SUMF1: variants seen among roughly 807,000 people sequenced by gnomAD.
The protein encoded by SUMF1 is sulfatase modifying factor 1, also known as formylglycine-generating enzyme.
In SUMF1, 48 loss-of-function variants were observed where a neutral mutation model predicts 47.6. The observed-to-expected ratio is 1.01, with a 90% CI of 0.80 to 1.28. SUMF1 has a LOEUF of 1.28. Ranked by LOEUF, SUMF1 falls within the 50% of genes most tolerant of loss-of-function variation. The pLI, the probability that SUMF1 is intolerant of heterozygous loss-of-function variation, is 0.00. For synonymous variants in SUMF1, 230 were observed against 192.1 expected, an observed-to-expected ratio of 1.20 and a Z score of -1.63; for missense variants, 571 against 485.4, an observed-to-expected ratio of 1.18 and a Z score of -1.66.
chr3:4,118,335 C>T (rs1693467000), intron 8 of SUMF1, among the ~76,000 whole-genome samples: 1 of 150,896 alleles, frequency 6.6e-6, no homozygotes, highest in Non-Finnish European at 1.5e-5. Flanking sequence ...ATTTAAAATG[C>T]CATAAAAGAG....
intron 8 of SUMF1, chr3:4,303,568 T>TC: frequency 3.7e-6 from 5 of 1,337,176 alleles, no homozygotes; most frequent in Non-Finnish European, 4.8e-6. Flanking sequence ...GGCGCGCGGC[T>TC]CCCCCACGTG....
At chr3:4,429,359 CA>C (rs1392365170) in intron 3 of SUMF1, among the ~76,000 whole-genome samples, 1 of 152,196 alleles carries the variant, frequency 6.6e-6, no homozygotes, top group East Asian at 1.9e-4. Flanking sequence ...TAGATCTTTA[CA>C]GGTCTTTTCC....
At chr3:4,458,276 G>C (rs2125157598) in intron 1 of SUMF1, among the ~76,000 whole-genome samples, 1 of 152,236 alleles carries the variant, frequency 6.6e-6, no homozygotes, top group South Asian at 2.1e-4. Context: ...TACTGCAGTT[G>C]GTGAGAATGT....
Position 4,362,282 on chromosome 3 carries a change from T to C in SUMF1, c.1015-28A>G, listed in dbSNP as rs1699790915. 1.3e-6 allele frequency: 2 copies of C among 1,593,406 alleles called. 1 individual carries two copies. The highest frequency in any genetic ancestry group is 2.2e-5 in the South Asian group (2 of 90,682). Reference sequence around the variant, plus strand: ...GTGTAGAGAGAAAGAGCAAGGTAAGTGCTACTGGGACTCTCAGCTGAAGGC... The same window carrying C: ...GTGTAGAGAGAAAGAGCAAGGTAAGCGCTACTGGGACTCTCAGCTGAAGGC... On this transcript the variant is annotated intron_variant, in intron 8 of 8. Coordinates refer to ENST00000272902, the MANE Select transcript of SUMF1 (RefSeq NM_182760.4).
chr3:4,339,446 T>C (rs1393790477), intron 8 of SUMF1, among the ~76,000 whole-genome samples: 1 of 152,134 alleles, frequency 6.6e-6, no homozygotes, highest in Non-Finnish European at 1.5e-5. Context: ...TGCAATGAAA[T>C]CTCAACGAAG....
intron 8 of SUMF1, among the ~76,000 whole-genome samples, chr3:4,220,079 T>C (rs79134742): frequency 0.017 from 2,608 of 152,000 alleles, 90 homozygotes; most frequent in African/African-American, 0.06. Context: ...AAAGAAAAAT[T>C]CTAAAGAGCA....
intron 8 of SUMF1, among the ~76,000 whole-genome samples, chr3:4,305,053 T>G (rs540034682): frequency 5.9e-5 from 9 of 152,302 alleles, no homozygotes; most frequent in African/African-American, 1.9e-4. Flanking sequence ...TGAGTTTGTC[T>G]GAAGACCTGG....
rs372549905 is a variant in SUMF1 at position 4,092,399 on chromosome 3, G to A, written c.1015-23654C>T. ...CAGTTTCCTTTTCTGTTTTCAGAGG[G>A]TGGTGAATTTCATGACTTCAAAGAA... On this transcript the variant is annotated intron_variant and NMD_transcript_variant, in intron 8 of 12. Transcript: ENST00000448413. 1.1e-3 allele frequency among the ~76,000 whole-genome samples: 160 copies of A among 152,230 alleles called. 5 individuals are homozygous for A. In the South Asian group the frequency reaches 0.033, roughly 31 times the overall value.
chr3:4,376,981 T>G (rs552369141), intron 7 of SUMF1, among the ~76,000 whole-genome samples: 2 of 152,118 alleles, frequency 1.3e-5, no homozygotes, highest in East Asian at 3.9e-4. Flanking sequence ...AATTATTATT[T>G]GTAGAGACAG....
intron 8 of SUMF1, among the ~76,000 whole-genome samples, chr3:4,189,381 G>A (rs2125141014): frequency 6.6e-6 from 1 of 152,110 alleles, no homozygotes; most frequent in South Asian, 2.1e-4. Context: ...TGATTCCAGG[G>A]AAATTTTTAA....
intron 9 of SUMF1, among the ~76,000 whole-genome samples, chr3:4,039,857 C>A (rs1694879432): frequency 6.6e-6 from 1 of 151,694 alleles, no homozygotes; most frequent in Non-Finnish European, 1.5e-5. Context: ...CTAGTTTCTA[C>A]AAAAAAAATT....
At chr3:4,241,029 G>A (rs1001716045) in intron 8 of SUMF1, among the ~76,000 whole-genome samples, 16 of 152,036 alleles carry the variant, frequency 1.1e-4, no homozygotes, top group Non-Finnish European at 5.9e-5. Context: ...ATTTATATGT[G>A]TAGAAAGCAC....
chr3:4,194,327 G>A (rs1300381648), intron 8 of SUMF1, among the ~76,000 whole-genome samples: 1 of 152,144 alleles, frequency 6.6e-6, no homozygotes, highest in Non-Finnish European at 1.5e-5. Flanking sequence ...TTATAACCAA[G>A]CTTCTGGCAA....
intron 8 of SUMF1, among the ~76,000 whole-genome samples, chr3:4,171,843 T>C (rs1469189663): frequency 1.3e-5 from 2 of 152,174 alleles, no homozygotes; most frequent in Non-Finnish European, 1.5e-5. Flanking sequence ...TTCTTCCATA[T>C]ACCTGAAACA....
intron 3 of SUMF1, among the ~76,000 whole-genome samples, chr3:4,430,962 A>G (rs543764145): frequency 2.6e-5 from 4 of 152,352 alleles, no homozygotes; most frequent in African/African-American, 7.2e-5. Context: ...AATGTACCAA[A>G]GATCTTCAGA....
chr3:4,175,849 C>T (rs559267909), intron 8 of SUMF1, among the ~76,000 whole-genome samples: 59 of 152,172 alleles, frequency 3.9e-4, no homozygotes, highest in African/African-American at 1.3e-3. Flanking sequence ...CTTAAATGAC[C>T]TGGTGGAGCT....
chr3:4,254,016 A>G (rs1168047083), intron 8 of SUMF1, among the ~76,000 whole-genome samples: 3 of 150,786 alleles, frequency 2.0e-5, no homozygotes, highest in Non-Finnish European at 4.4e-5. Context: ...GACACCACAC[A>G]CAGCAGGGTA....
chr3:4,273,262 GGAAA>G (rs1697339485), intron 8 of SUMF1, among the ~76,000 whole-genome samples: 1 of 151,878 alleles, frequency 6.6e-6, no homozygotes, highest in Non-Finnish European at 1.5e-5. Flanking sequence ...GGCAAAAAAT[GGAAA>G]CATTCCAAGT....
Position 4,467,154 on chromosome 3 carries a change from G to T in SUMF1, c.92C>A (p.Ala31Glu). 1 of 1,593,472 alleles carries T rather than the reference G, an allele frequency of 6.3e-7. No individual in the cohort carries two copies. Among genetic ancestry groups the T allele is most frequent in the Non-Finnish European group, 8.5e-7 (1 of 1,171,228 alleles). ...LLLLLSLLCG[A>E]AGSQEAGTGA... Reference sequence around the variant, plus strand: ...GGTCCCGGCCTCCTGGCTCCCTGCCGCTCCACACAGCAGCGAGAGCAGCAG... The same window carrying T: ...GGTCCCGGCCTCCTGGCTCCCTGCCTCTCCACACAGCAGCGAGAGCAGCAG... Residue 31 changes from alanine (A) to glutamate (E), a missense_variant, in exon 1 of 9, where the codon GCG (alanine) becomes GAG (glutamate). Transcript: ENST00000272902.
Sources: gnomAD v4.1 joint callset for allele counts (sites outside exome capture counted in the v4.1 genomes callset) on GRCh38, gnomAD v4.1.1 for gene constraint, MANE v1.5 for transcripts, NCBI Gene and HGNC (gene_info 2026-07-23, HGNC 2026-07-21) for gene names.